HDAC9: variants seen among roughly 807,000 people sequenced by gnomAD.
HDAC9 encodes histone deacetylase 9.
In HDAC9, 41 loss-of-function variants were observed where a neutral mutation model predicts 139.4. The observed-to-expected ratio is 0.29, with a 90% CI of 0.23 to 0.38. The LOEUF is 0.38. Ranked by LOEUF, HDAC9 falls within the 10% of genes least tolerant of loss-of-function variation. The pLI, the probability that HDAC9 is intolerant of heterozygous loss-of-function variation, is 1.00. For missense variants in HDAC9, 1,147 were observed against 1,297.0 expected, an observed-to-expected ratio of 0.88 and a Z score of 1.78; for synonymous variants, 517 against 476.2, an observed-to-expected ratio of 1.09 and a Z score of -1.12.
chr7:18,467,393 G>A (rs1055808360), intron 1 of HDAC9, among the ~76,000 whole-genome samples: 5 of 151,938 alleles, frequency 3.3e-5, no homozygotes, highest in African/African-American at 1.2e-4. Context: ...CTCACTCCAG[G>A]CCTCTGCTGC....
At chr7:18,467,066 C>G (rs1279532215) in intron 1 of HDAC9, among the ~76,000 whole-genome samples, 1 of 152,142 alleles carries the variant, frequency 6.6e-6, no homozygotes, top group Admixed American at 6.6e-5. Context: ...CCCACAAGAC[C>G]CATCTGTAAA....
intron 17 of HDAC9, 124 bp downstream of exon 17, chr7:18,793,576 G>C: frequency 2.8e-6 from 2 of 703,106 alleles, no homozygotes; most frequent in Non-Finnish European, 5.1e-6. Context: ...GAAGAGGGTA[G>C]AGATGGCCAC....
intron 2 of HDAC9, among the ~76,000 whole-genome samples, chr7:18,581,032 T>C (rs1399258044): frequency 3.3e-5 from 5 of 152,104 alleles, no homozygotes; most frequent in Admixed American, 2.0e-4. Flanking sequence ...GGCTATGATA[T>C]GATTATGATT....
intron 1 of HDAC9, among the ~76,000 whole-genome samples, chr7:18,479,679 T>C (rs931025102): frequency 6.6e-6 from 1 of 152,180 alleles, no homozygotes; most frequent in African/African-American, 2.4e-5. Flanking sequence ...ACACTAAATA[T>C]TGATTTTTTT....
chr7:18,505,242 C>T (rs1586424160), intron 2 of HDAC9, among the ~76,000 whole-genome samples: 1 of 152,176 alleles, frequency 6.6e-6, no homozygotes, highest in Admixed American at 6.5e-5. Flanking sequence ...AAAGTTAGCC[C>T]CGCTTCAAAA....
At chr7:18,543,797 G>A (rs1813788434) in intron 2 of HDAC9, 1 of 151,534 alleles carries the variant, frequency 6.6e-6, no homozygotes. Context: ...GAAGCAAGAG[G>A]GTGAACAGCA....
chr7:18,458,417 C>G (rs1409599876), intron 1 of HDAC9, among the ~76,000 whole-genome samples: 1 of 152,034 alleles, frequency 6.6e-6, no homozygotes, highest in Non-Finnish European at 1.5e-5. Context: ...CCAAGCTATA[C>G]CAATAAATAT....
chr7:18,988,066 G>A (rs1355639067), intron 25 of HDAC9, among the ~76,000 whole-genome samples: 2 of 151,346 alleles, frequency 1.3e-5, no homozygotes, highest in Non-Finnish European at 3.0e-5. Flanking sequence ...TCTCTATTCA[G>A]TTCTGCTCTG....
chr7:18,658,337 C>A (rs1390419894), intron 11 of HDAC9, among the ~76,000 whole-genome samples: 2 of 152,128 alleles, frequency 1.3e-5, no homozygotes, highest in Non-Finnish European at 2.9e-5. Context: ...CTAGTTGGAA[C>A]AAACCTTCAG....
intron 1 of HDAC9, among the ~76,000 whole-genome samples, chr7:18,345,187 A>G (rs1396166283): frequency 6.6e-6 from 1 of 152,032 alleles, no homozygotes; most frequent in Non-Finnish European, 1.5e-5. Flanking sequence ...ATGACCTGAA[A>G]GGGATATTGT....
At chr7:18,899,425 C>A (rs1196891237) in intron 22 of HDAC9, 1 of 151,868 alleles carries the variant, frequency 6.6e-6, no homozygotes, top group African/African-American at 2.4e-5. Flanking sequence ...AAGAATCTGA[C>A]AACCTAGGCT....
At chr7:18,556,605 A>T (rs534100969) in intron 2 of HDAC9, among the ~76,000 whole-genome samples, 2,776 of 152,136 alleles carry the variant, frequency 0.018, 89 homozygotes, top group African/African-American at 0.063. Context: ...TTCTGTCTCA[A>T]TCCAGTGTTG....
chr7:18,499,403 G>T (rs1026004846), intron 2 of HDAC9, among the ~76,000 whole-genome samples: 1 of 151,942 alleles, frequency 6.6e-6, no homozygotes, highest in Non-Finnish European at 1.5e-5. Flanking sequence ...GTAGAACCAG[G>T]TTCTATAATA....
At chr7:18,316,042 T>C (rs1331446162) in intron 1 of HDAC9, among the ~76,000 whole-genome samples, 1 of 152,204 alleles carries the variant, frequency 6.6e-6, no homozygotes, top group Non-Finnish European at 1.5e-5. Context: ...TCTGAAAACA[T>C]CTATAAGCAC....
intron 1 of HDAC9, chr7:18,430,414 G>C (rs1433727783): frequency 6.6e-6 from 1 of 152,204 alleles, no homozygotes; most frequent in Non-Finnish European, 1.5e-5. Context: ...TGTAGAGATA[G>C]AGTCTTGCTA....
At chr7:18,881,639 G>T (rs113007350) in intron 22 of HDAC9, among the ~76,000 whole-genome samples, 2 of 152,010 alleles carry the variant, frequency 1.3e-5, no homozygotes, top group Non-Finnish European at 2.9e-5. Context: ...AATCTATAAA[G>T]AACCTAATCA....
intron 1 of HDAC9, among the ~76,000 whole-genome samples, chr7:18,393,241 GT>G (rs1372628934): frequency 2.0e-5 from 3 of 151,962 alleles, no homozygotes; most frequent in African/African-American, 7.3e-5. Context: ...AACCAGTAAA[GT>G]TTATAAGAAG....
chr7:18,250,315 G>T (rs190561882), intron 2 of HDAC9, among the ~76,000 whole-genome samples: 29 of 152,174 alleles, frequency 1.9e-4, no homozygotes. Context: ...ACATTTCCTG[G>T]GCAACCAGAA....
chr7:18,122,004 C>T (rs941959766), intron 1 of HDAC9, among the ~76,000 whole-genome samples: 1 of 151,542 alleles, frequency 6.6e-6, no homozygotes, highest in African/African-American at 2.4e-5. Context: ...GAAATGAAGG[C>T]ATTCTTGTAT....
Sources: gnomAD v4.1 joint callset for allele counts (sites outside exome capture counted in the v4.1 genomes callset) on GRCh38, gnomAD v4.1.1 for gene constraint, MANE v1.5 for transcripts, NCBI Gene and HGNC (gene_info 2026-07-23, HGNC 2026-07-21) for gene names.